Variants in STXBP6 observed in about 807,000 individuals in gnomAD.
STXBP6 encodes syntaxin-binding protein 6.
In STXBP6, 21 loss-of-function variants were observed where a neutral mutation model predicts 26.9. That is an observed-to-expected ratio of 0.78 (90% CI 0.55 to 1.12). The LOEUF (loss-of-function observed/expected upper bound fraction) is 1.12. Among genes scored for constraint, STXBP6 ranks in the 50% most tolerant of loss-of-function variants. The pLI is 0.00. For missense variants in STXBP6, 232 were observed against 257.9 expected, an observed-to-expected ratio of 0.90 and a Z score of 0.69; for synonymous variants, 97 against 92.6, an observed-to-expected ratio of 1.05 and a Z score of -0.27.
intron 2 of STXBP6, among the ~76,000 whole-genome samples, chr14:24,947,387 C>T (rs766043378): frequency 2.0e-5 from 3 of 152,270 alleles, no homozygotes; most frequent in Admixed American, 1.3e-4. Flanking sequence ...GTGAAAGAGA[C>T]GGCGATGGAG....
chr14:24,900,223 C>A (rs1408074624), intron 2 of STXBP6, among the ~76,000 whole-genome samples: 1 of 152,146 alleles, frequency 6.6e-6, no homozygotes, highest in Non-Finnish European at 1.5e-5. Context: ...TCCCTGAAAT[C>A]CTAGGGCTAG....
At chr14:24,952,022 C>T (rs1042123475) in intron 2 of STXBP6, among the ~76,000 whole-genome samples, 6 of 150,560 alleles carry the variant, frequency 4.0e-5, no homozygotes, top group Admixed American at 2.0e-4. Flanking sequence ...ATTTAAAATA[C>T]TTATATATAT....
At position 25,033,580 on chromosome 14, in the gene STXBP6, AG is replaced by A. The variant is rs201246267; in HGVS notation, c.-33+16297del. The stretch of plus-strand genomic sequence containing the variant: ...CTCATACCAAGGTCCTTCCTACCTC[AG>A]GGCCTTTGCACATTCCATCACCTCC... On this transcript the variant is annotated intron_variant, in intron 1 of 5. Coordinates refer to ENST00000323944, the MANE Select transcript of STXBP6 (RefSeq NM_001394410.1). Among the ~76,000 whole-genome samples the A allele has an allele frequency of 8.8e-3, 1,339 of 152,234 alleles. 25 individuals carry two copies. The highest frequency in any genetic ancestry group is 0.03 in the African/African-American group (1,264 of 41,538).
intron 2 of STXBP6, among the ~76,000 whole-genome samples, chr14:24,906,831 C>G (rs932674042): frequency 6.6e-6 from 1 of 151,858 alleles, no homozygotes; most frequent in East Asian, 1.9e-4. Context: ...TTCACTATGC[C>G]CTCTAAGAGG....
chr14:24,947,688 C>G lies in STXBP6; in HGVS notation c.154+26977G>C, dbSNP rs112604153. On this transcript the variant is annotated intron_variant, in intron 2 of 5. Transcript: ENST00000323944. Reference sequence around the variant, plus strand: ...ATGGGCTGTTCAACTTAATAGTAAACTGGCAGTGATTGGATAAGAATGTGT... The same window carrying G: ...ATGGGCTGTTCAACTTAATAGTAAAGTGGCAGTGATTGGATAAGAATGTGT... Among the ~76,000 whole-genome samples the G allele has an allele frequency of 1.0e-3, 155 of 152,184 alleles. 1 individual carries two copies. Among genetic ancestry groups the G allele is most frequent in the African/African-American group, 3.6e-3 (150 of 41,534 alleles).
intron 2 of STXBP6, among the ~76,000 whole-genome samples, chr14:24,952,481 A>AGG (rs1168113675): frequency 0.013 from 2,043 of 152,272 alleles, 43 homozygotes; most frequent in African/African-American, 0.046. Flanking sequence ...TATTAATCTA[A>AGG]AATGTCATTT....
At chr14:24,894,472 T>C (rs1410001228) in intron 2 of STXBP6, among the ~76,000 whole-genome samples, 1 of 151,968 alleles carries the variant, frequency 6.6e-6, no homozygotes, top group Non-Finnish European at 1.5e-5. Flanking sequence ...CAGCGTGGAC[T>C]AGAGATAGTG....
chr14:24,940,558 C>A (rs2072764493), intron 2 of STXBP6, among the ~76,000 whole-genome samples: 1 of 152,200 alleles, frequency 6.6e-6, no homozygotes, highest in African/African-American at 2.4e-5. Flanking sequence ...AATAGGCTGA[C>A]TGCAGACTGA....
chr14:24,860,385 G>T (rs745526961), intron 2 of STXBP6, among the ~76,000 whole-genome samples: 3 of 152,094 alleles, frequency 2.0e-5, no homozygotes, highest in Non-Finnish European at 4.4e-5. Context: ...AGAAAGACAA[G>T]TCACTTGCAT....
chr14:24,826,732 C>T (rs1387179879), intron 4 of STXBP6, among the ~76,000 whole-genome samples: 1 of 152,170 alleles, frequency 6.6e-6, no homozygotes, highest in Non-Finnish European at 1.5e-5. Flanking sequence ...TTGATCCACC[C>T]CCCGACCCCT....
chr14:24,988,815 C>T lies in STXBP6; in HGVS notation c.-32-13965G>A, dbSNP rs8017234. 1.1e-4 allele frequency among the ~76,000 whole-genome samples: 16 copies of T among 151,962 alleles called. No homozygotes were observed. In the East Asian group the frequency reaches 1.5e-3, roughly 15 times the overall value. ...TTGTAGAAGAGCAAGAAAAAATAAACGGTCATTGAGACACCACAGGAAAGA... is the reference window on the plus strand; with the variant it reads ...TTGTAGAAGAGCAAGAAAAAATAAATGGTCATTGAGACACCACAGGAAAGA... On this transcript the variant is annotated intron_variant, in intron 1 of 5. Transcript: ENST00000323944.
At chr14:24,976,867 T>TG (rs2140215865) in intron 1 of STXBP6, among the ~76,000 whole-genome samples, 1 of 132,696 alleles carries the variant, frequency 7.5e-6, no homozygotes, top group African/African-American at 3.0e-5. Flanking sequence ...TTTTTTTTTT[T>TG]TTTTTTTTTT....
intron 4 of STXBP6, among the ~76,000 whole-genome samples, chr14:24,822,989 CA>C (rs1788536168): frequency 6.6e-6 from 1 of 152,112 alleles, no homozygotes; most frequent in African/African-American, 2.4e-5. Context: ...AGGCCAACAG[CA>C]TAGTAATTCT....
intron 2 of STXBP6, among the ~76,000 whole-genome samples, chr14:24,883,326 G>C (rs2070443226): frequency 6.6e-6 from 1 of 152,110 alleles, no homozygotes; most frequent in South Asian, 2.1e-4. Context: ...AGGAACATTT[G>C]TAACAATTAA....
chr14:24,873,360 G>GCC (rs1276001758), intron 2 of STXBP6, among the ~76,000 whole-genome samples: 1 of 152,128 alleles, frequency 6.6e-6, no homozygotes, highest in African/African-American at 2.4e-5. Context: ...AGCCAGAAGA[G>GCC]CCAGGACAGT....
At chr14:24,966,549 C>T (rs948337855) in intron 2 of STXBP6, among the ~76,000 whole-genome samples, 1 of 152,156 alleles carries the variant, frequency 6.6e-6, no homozygotes, top group Non-Finnish European at 1.5e-5. Flanking sequence ...CAAGAGAAGG[C>T]TGTTGTGAGG....
intron 2 of STXBP6, among the ~76,000 whole-genome samples, chr14:24,893,712 C>T (rs1270010735): frequency 6.6e-6 from 1 of 152,180 alleles, no homozygotes; most frequent in Non-Finnish European, 1.5e-5. Flanking sequence ...ATTTTGTTGT[C>T]TTCAAATGGC....
At chr14:25,006,556 G>A (rs1378546353) in intron 1 of STXBP6, among the ~76,000 whole-genome samples, 1 of 152,100 alleles carries the variant, frequency 6.6e-6, no homozygotes, top group Non-Finnish European at 1.5e-5. Flanking sequence ...CTGATATTAG[G>A]GCCCAGAAGA....
At chr14:25,028,457 C>T (rs1296732951) in intron 1 of STXBP6, among the ~76,000 whole-genome samples, 2 of 151,932 alleles carry the variant, frequency 1.3e-5, no homozygotes, top group African/African-American at 4.8e-5. Context: ...CATCTGTTCA[C>T]AGTATGGCTT....
Sources: allele counts gnomAD v4.1 joint callset (sites outside exome capture counted in the v4.1 genomes callset), GRCh38; gene constraint gnomAD v4.1.1; transcripts MANE v1.5; gene names NCBI Gene and HGNC (gene_info 2026-07-23, HGNC 2026-07-21).